Variants in LRRK1 observed in about 807,000 individuals in gnomAD.
LRRK1 encodes the protein leucine-rich repeat serine/threonine-protein kinase 1.
Under a neutral mutation model 209.1 loss-of-function variants are expected in LRRK1, and 113 were observed. The ratio of observed to expected loss-of-function variants is 0.54; its 90% CI spans 0.46 to 0.63. LRRK1 has a LOEUF of 0.63. Ranked by LOEUF, LRRK1 falls within the 30% of genes least tolerant of loss-of-function variation. The pLI, the probability that LRRK1 is intolerant of heterozygous loss-of-function variation, is 0.00. For synonymous variants in LRRK1, 1,144 were observed against 1,099.7 expected, an observed-to-expected ratio of 1.04 and a Z score of -0.80; for missense variants, 2,284 against 2,632.2, an observed-to-expected ratio of 0.87 and a Z score of 2.89.
chr15:101,031,301 ACTTC>A (rs1190389981), intron 20 of LRRK1, among the ~76,000 whole-genome samples: 2 of 152,186 alleles, frequency 1.3e-5, no homozygotes, highest in African/African-American at 4.8e-5. Context: ...CAGCACTCTG[ACTTC>A]CAGCACCAGA....
chr15:101,017,013 C>G (rs1176822885), intron 12 of LRRK1, among the ~76,000 whole-genome samples: 1 of 152,238 alleles, frequency 6.6e-6, no homozygotes, highest in African/African-American at 2.4e-5. Context: ...AGGTATGGAG[C>G]TGTCCCTTTC....
intron 6 of LRRK1, among the ~76,000 whole-genome samples, chr15:101,000,051 A>G (rs1480439047): frequency 1.3e-5 from 2 of 152,252 alleles, no homozygotes; most frequent in African/African-American, 4.8e-5. Flanking sequence ...GCTATTGTCA[A>G]AACTGACTTC....
At chr15:101,048,429 G>T in intron 21 of LRRK1, 65 bp from the exon 22 acceptor site, 1 of 1,463,408 alleles carries the variant, frequency 6.8e-7, no homozygotes, top group South Asian at 1.3e-5. Flanking sequence ...GGCCTCTGCA[G>T]AGCTCTGCCC....
chr15:100,986,327 T>G (rs1301521697), intron 4 of LRRK1, among the ~76,000 whole-genome samples: 2 of 152,240 alleles, frequency 1.3e-5, no homozygotes, highest in African/African-American at 4.8e-5. Flanking sequence ...TCTCTGAAGC[T>G]GAGCAGGGAG....
intron 6 of LRRK1, among the ~76,000 whole-genome samples, chr15:100,990,771 G>A (rs1170582048): frequency 2.2e-5 from 3 of 136,092 alleles, no homozygotes; most frequent in African/African-American, 8.3e-5. Flanking sequence ...CATAAATGTT[G>A]CCAATATTTT....
intron 6 of LRRK1, among the ~76,000 whole-genome samples, chr15:100,995,930 A>G (rs940554153): frequency 6.6e-6 from 1 of 152,236 alleles, no homozygotes; most frequent in Non-Finnish European, 1.5e-5. Flanking sequence ...CAGTTCCGGC[A>G]TATGTAGCTT....
chr15:100,935,020 T>C (rs1159618310), intron 2 of LRRK1, among the ~76,000 whole-genome samples: 2 of 152,006 alleles, frequency 1.3e-5, no homozygotes, highest in Non-Finnish European at 2.9e-5. Flanking sequence ...ATACTGAAAA[T>C]AACAGAGAAT....
chr15:101,050,154 C>T (rs991620974), intron 23 of LRRK1, among the ~76,000 whole-genome samples: 3 of 152,156 alleles, frequency 2.0e-5, no homozygotes, highest in African/African-American at 7.2e-5. Context: ...TGCAGGGGAG[C>T]CGGCAGATGG....
intron 2 of LRRK1, among the ~76,000 whole-genome samples, chr15:100,955,329 G>T (rs1481820747): frequency 6.6e-6 from 1 of 152,096 alleles, no homozygotes; most frequent in African/African-American, 2.4e-5. Context: ...AACTGCAAAT[G>T]ATTTTTTGTA....
chr15:100,950,740 A>G (rs2141621508), intron 2 of LRRK1, among the ~76,000 whole-genome samples: 1 of 152,344 alleles, frequency 6.6e-6, no homozygotes, highest in African/African-American at 2.4e-5. Flanking sequence ...CAAATTATTT[A>G]TCTTTAAAGG....
At chr15:100,978,441 C>G (rs1301593605) in intron 3 of LRRK1, among the ~76,000 whole-genome samples, 1 of 152,146 alleles carries the variant, frequency 6.6e-6, no homozygotes, top group Non-Finnish European at 1.5e-5. Flanking sequence ...CCAAGCTCAT[C>G]ATAGTCAAGC....
rs183216677 is a variant in LRRK1 at position 101,077,335 on chromosome 15, G to A, written c.*8487G>A. 1.6e-4 allele frequency: 24 copies of A among 152,272 alleles called. No individual in the cohort carries two copies. In the East Asian group the frequency reaches 4.2e-3, roughly 27 times the overall value. The allele number at this position is 152,272 out of a possible 1,614,324, so 9.4% of individuals were successfully genotyped here. A position where few individuals can be genotyped will look rare whatever the true frequency, so the allele number is the denominator to read the frequency against. ...TCACCATTCTCAACTACTCATACGT[G>A]CCCTGCTCTTGTTTACACTGCCAGT... On this transcript the variant is annotated 3_prime_UTR_variant, in exon 34 of 34. Coordinates refer to ENST00000388948, the MANE Select transcript of LRRK1 (RefSeq NM_024652.6).
At chr15:101,016,844 G>A (rs565272987) in intron 12 of LRRK1, among the ~76,000 whole-genome samples, 2 of 152,318 alleles carry the variant, frequency 1.3e-5, no homozygotes, top group East Asian at 3.9e-4. Flanking sequence ...CTGAGGTGAG[G>A]CCAAGGTTGC....
intron 22 of LRRK1, 68 bp from the exon 23 acceptor site, chr15:101,049,576 T>C: frequency 1.3e-6 from 2 of 1,557,728 alleles, no homozygotes; most frequent in Middle Eastern, 1.7e-4. Context: ...TCCCTGGGGG[T>C]AGGGATATCA....
rs2034164808 is a variant in LRRK1 at position 101,029,030 on chromosome 15, T to C, written c.2761T>C (p.Phe921Leu). 6.2e-7 allele frequency: 1 copy of C among 1,614,160 alleles called. No individual in the cohort carries two copies. Among genetic ancestry groups the C allele is most frequent in the Non-Finnish European group, 8.5e-7 (1 of 1,180,018 alleles). Reference sequence around the variant, plus strand: ...CAGCCACGGCCTGAGGAACCTCTACTTCCTCGACCCTATTTGGCTCTCCGA... The same window carrying C: ...CAGCCACGGCCTGAGGAACCTCTACCTCCTCGACCCTATTTGGCTCTCCGA... The part of the protein sequence containing the change: ...DTSHGLRNLY[F>L]LDPIWLSECL... Residue 921 changes from phenylalanine (F) to leucine (L), a missense_variant, in exon 20 of 34, where the codon TTC (phenylalanine) becomes CTC (leucine). Coordinates refer to ENST00000388948, the MANE Select transcript of LRRK1 (RefSeq NM_024652.6).
chr15:100,978,120 G>T (rs1283776366), intron 3 of LRRK1, among the ~76,000 whole-genome samples: 1 of 152,142 alleles, frequency 6.6e-6, no homozygotes, highest in Non-Finnish European at 1.5e-5. Context: ...GGGCTCAACT[G>T]TAGAATGGAG....
At position 100,973,962 on chromosome 15, in the gene LRRK1, GA is replaced by G. The variant is rs2031134163; in HGVS notation, c.260del (p.Lys87ArgfsTer5). On this transcript the variant is annotated frameshift_variant, in exon 3 of 34. Transcript: ENST00000388948. LOFTEE classifies it high-confidence loss of function. ...CTGCGACCAGTGCGCGTCCCAGCTGGAAAAGGTAGGGGAGCGCCTGCCCCTG... is the reference window on the plus strand; with the variant it reads ...CTGCGACCAGTGCGCGTCCCAGCTGGAAAGGTAGGGGAGCGCCTGCCCCTG... ...EACDQCASQL[E>X]KGQLLSIPAA... 8.0e-7 allele frequency: 1 copy of G among 1,250,076 alleles called. No individual in the cohort carries two copies. Among genetic ancestry groups the G allele is most frequent in the Non-Finnish European group, 1.0e-6 (1 of 991,474 alleles). The allele number at this position is 1,250,076 out of a possible 1,614,324, so 77.4% of individuals were successfully genotyped here.
chr15:100,940,077 C>T (rs1174796387), intron 2 of LRRK1, among the ~76,000 whole-genome samples: 1 of 152,162 alleles, frequency 6.6e-6, no homozygotes, highest in Non-Finnish European at 1.5e-5. Flanking sequence ...TATCCTGCCC[C>T]GGATGCACGA....
rs12905195 is a variant in LRRK1 at position 101,077,608 on chromosome 15, A to G, written c.*8760A>G. 0.42 allele frequency: 63,836 copies of G among 151,982 alleles called. 15,879 individuals carry two copies. Among genetic ancestry groups the G allele is most frequent in the Non-Finnish European group, 0.57 (38,409 of 67,954 alleles). 9.4% of individuals were successfully genotyped at this position (151,982 alleles called of 1,614,324 possible). The stretch of plus-strand genomic sequence containing the variant: ...TCCAGGTCATCACCAATAATTCTAA[A>G]TGACGAATGTTTCTTCTAACAACCG... On this transcript the variant is annotated 3_prime_UTR_variant, in exon 34 of 34. Coordinates refer to ENST00000388948, the MANE Select transcript of LRRK1 (RefSeq NM_024652.6).
Sources: gnomAD v4.1 joint callset for allele counts (sites outside exome capture counted in the v4.1 genomes callset) on GRCh38, gnomAD v4.1.1 for gene constraint, MANE v1.5 for transcripts, NCBI Gene and HGNC (gene_info 2026-07-23, HGNC 2026-07-21) for gene names.